The following KCNQ1 variants were observed in gnomAD, a reference collection of about 807,000 sequenced individuals.
KCNQ1 encodes the protein potassium voltage-gated channel subfamily KQT member 1.
In KCNQ1, 49 loss-of-function variants were observed where a neutral mutation model predicts 72.4. The ratio of observed to expected loss-of-function variants is 0.68; its 90% CI spans 0.54 to 0.86. KCNQ1 has a LOEUF of 0.86. Ranked by LOEUF, KCNQ1 falls within the 40% of genes least tolerant of loss-of-function variation. KCNQ1 has a pLI of 0.00. For synonymous variants in KCNQ1, 450 were observed against 412.6 expected (o/e 1.09, Z -1.10); for missense variants, 790 against 945.1 (o/e 0.84, Z 2.15).
chr11:2,732,712 C>T (rs551772546), intron 11 of KCNQ1, among the ~76,000 whole-genome samples: 3 of 152,332 alleles, frequency 2.0e-5, no homozygotes, highest in South Asian at 2.1e-4. Context: ...TCTTCCTCAC[C>T]GGGCCGGCGC....
rs1849680998 is a variant in KCNQ1 at position 2,647,263 on chromosome 11, G to A, written c.1394-14698G>A. ...TTTTTTTGTCCTTCCTTCTGTTAAT[G>A]TGATGTATCACATTTATTGATTTGT... On this transcript the variant is annotated intron_variant, in intron 10 of 15. Coordinates refer to ENST00000155840, the MANE Select transcript of KCNQ1 (RefSeq NM_000218.3). This position sits in a 1 kb window ranked among gnomAD's most constrained non-coding sequence, Gnocchi z 4.0. 3 of 397,934 alleles carry A rather than the reference G, an allele frequency of 7.5e-6. No individual in the cohort carries two copies. Among genetic ancestry groups the A allele is most frequent in the East Asian group, 3.6e-5 (1 of 28,062 alleles). The allele number at this position is 397,934 out of a possible 1,614,324, so 24.7% of individuals were successfully genotyped here.
intron 1 of KCNQ1, chr11:2,521,396 C>T: frequency 2.4e-6 from 1 of 419,858 alleles, no homozygotes; most frequent in Non-Finnish European, 5.1e-6. Context: ...CTCAAGGTGC[C>T]TCTCTGCTCA....
intron 11 of KCNQ1, among the ~76,000 whole-genome samples, chr11:2,707,845 A>G (rs1850936719): frequency 6.6e-6 from 1 of 152,218 alleles, no homozygotes; most frequent in African/African-American, 2.4e-5. Flanking sequence ...GGTGTGAGGG[A>G]CACAGCCCCT....
rs1847147841 is a variant in KCNQ1 at position 2,508,853 on chromosome 11, C to G, written c.387-19075C>G. On this transcript the variant is annotated intron_variant, in intron 1 of 15. Coordinates refer to ENST00000155840, the MANE Select transcript of KCNQ1 (RefSeq NM_000218.3). This position sits in a 1 kb window ranked among gnomAD's most constrained non-coding sequence, Gnocchi z 6.2. ...GGAAAGTCACAGTTGAATGCATGCT[C>G]CCTCCACACCCATGTGCCTGATGCA... Among the ~76,000 whole-genome samples, 1 of 152,216 alleles carries G rather than the reference C, an allele frequency of 6.6e-6. No homozygotes were observed. The highest frequency in any genetic ancestry group is 1.5e-5 in the Non-Finnish European group (1 of 68,040).
rs1413562895 is a variant in KCNQ1 at position 2,478,582 on chromosome 11, G to A, written c.386+33098G>A. ...TTCATTACCATGAGAACAGCATGGAGGAAACCACCCCCATGATTCAATTAT... is the reference window on the plus strand; with the variant it reads ...TTCATTACCATGAGAACAGCATGGAAGAAACCACCCCCATGATTCAATTAT... On this transcript the variant is annotated intron_variant, in intron 1 of 15. Coordinates refer to ENST00000155840, the MANE Select transcript of KCNQ1 (RefSeq NM_000218.3). This position sits in a 1 kb window ranked among gnomAD's most constrained non-coding sequence, Gnocchi z 4.0. 6.6e-5 allele frequency among the ~76,000 whole-genome samples: 10 copies of A among 152,102 alleles called. No homozygotes were observed. Among genetic ancestry groups the A allele is most frequent in the Non-Finnish European group, 1.3e-4 (9 of 68,034 alleles).
chr11:2,680,206 TAAAAAAAAA>T (rs139249507), intron 11 of KCNQ1: 15 of 362,348 alleles, frequency 4.1e-5, no homozygotes, highest in Non-Finnish European at 4.8e-6. Context: ...CTTGCCTAAT[TAAAAAAAAA>T]AAAAAAAAAA....
chr11:2,500,557 A>G (rs990132853), intron 1 of KCNQ1, among the ~76,000 whole-genome samples: 1 of 152,234 alleles, frequency 6.6e-6, no homozygotes, highest in African/African-American at 2.4e-5. Flanking sequence ...TCATTGTATT[A>G]TAAAGACACA....
intron 11 of KCNQ1, chr11:2,675,717 G>T (rs1346302023): frequency 1.6e-4 from 62 of 398,568 alleles, no homozygotes. Context: ...TCTTTGTGCT[G>T]GAGCAGCCCC....
At position 2,464,304 on chromosome 11, in the gene KCNQ1, C is replaced by T. The variant is rs756453366; in HGVS notation, c.386+18820C>T. Among the ~76,000 whole-genome samples the T allele has an allele frequency of 4.6e-5, 7 of 152,080 alleles. No individual in the cohort carries two copies. The highest frequency in any genetic ancestry group is 7.4e-5 in the Non-Finnish European group (5 of 68,026). ...GTGGGTTTTAATCTTTTCATTTTTG[C>T]TCATCTGAATTTTCTAATTAAAAAT... On this transcript the variant is annotated intron_variant, in intron 1 of 15. Transcript: ENST00000155840. This position sits in a 1 kb window ranked among gnomAD's most constrained non-coding sequence, Gnocchi z 5.0.
intron 1 of KCNQ1, among the ~76,000 whole-genome samples, chr11:2,474,769 G>A (rs146133455): frequency 1.8e-4 from 15 of 83,606 alleles, no homozygotes; most frequent in Admixed American, 7.2e-4. Flanking sequence ...CTAGGTTAAG[G>A]CGAGAAGGAG....
At chr11:2,796,814 C>T (rs780781918) in intron 15 of KCNQ1, among the ~76,000 whole-genome samples, 6 of 152,228 alleles carry the variant, frequency 3.9e-5, no homozygotes, top group Admixed American at 1.3e-4. Flanking sequence ...ACTGCTGCGC[C>T]GTCCCTCCTG....
chr11:2,836,769 A>G (rs961964983), intron 15 of KCNQ1, among the ~76,000 whole-genome samples: 4 of 152,258 alleles, frequency 2.6e-5, no homozygotes, highest in Non-Finnish European at 4.4e-5. Flanking sequence ...CTGACCAGGC[A>G]GAACCAGGCA....
At chr11:2,619,862 C>G (rs1418247518) in intron 10 of KCNQ1, 2 of 397,866 alleles carry the variant, frequency 5.0e-6, no homozygotes, top group African/African-American at 4.1e-5. Context: ...GTTTTTTTAA[C>G]TTTTATTTTT....
chr11:2,666,045 C>T lies in KCNQ1; in HGVS notation c.1514+3964C>T, dbSNP rs111519469. 8.6e-3 allele frequency: 3,419 copies of T among 398,654 alleles called. 20 individuals carry two copies. Among genetic ancestry groups the T allele is most frequent in the Admixed American group, 0.011 (257 of 22,742 alleles). The allele number at this position is 398,654 out of a possible 1,614,324, so 24.7% of individuals were successfully genotyped here. On this transcript the variant is annotated intron_variant, in intron 11 of 15. Coordinates refer to ENST00000155840, the MANE Select transcript of KCNQ1 (RefSeq NM_000218.3). ...GTTGCACATGGATACCTGAGATAGA[C>T]GGCCCAAGAGGACAGGCCCATAAGC...
At chr11:2,501,289 C>A (rs551513784) in intron 1 of KCNQ1, among the ~76,000 whole-genome samples, 1 of 148,518 alleles carries the variant, frequency 6.7e-6, no homozygotes, top group African/African-American at 2.5e-5. Flanking sequence ...TTTAGCCAGA[C>A]TAAGAAAAGA....
At chr11:2,469,951 C>A (rs931155481) in intron 1 of KCNQ1, among the ~76,000 whole-genome samples, 3 of 152,204 alleles carry the variant, frequency 2.0e-5, no homozygotes, top group African/African-American at 7.2e-5. Flanking sequence ...TGAGCCACCA[C>A]GCCCGGCCCT....
chr11:2,495,412 C>A lies in KCNQ1; in HGVS notation c.387-32516C>A, dbSNP rs181581311. Among the ~76,000 whole-genome samples, 271 of 152,186 alleles carry A rather than the reference C, an allele frequency of 1.8e-3. 1 individual carries two copies. The highest frequency in any genetic ancestry group is 2.8e-3 in the Non-Finnish European group (191 of 67,996). On this transcript the variant is annotated intron_variant, in intron 1 of 15. Coordinates refer to ENST00000155840, the MANE Select transcript of KCNQ1 (RefSeq NM_000218.3). This position sits in a 1 kb window ranked among gnomAD's most constrained non-coding sequence, Gnocchi z 4.6. ...TTTGTTTGCTCTTGCTTCTCTAGTT[C>A]TTTTAATTGTGATGTTTGGGTGTCG...
Position 2,544,332 on chromosome 11 carries a change from ATGTG to A in KCNQ1, c.477+16316_477+16319del, listed in dbSNP as rs1342848011. Reference sequence around the variant, plus strand: ...TATATGTATATATCTATGTATATATATGTGTATGTATATGTATATATATGTGTAT... The same window carrying A: ...TATATGTATATATCTATGTATATATATATGTATATGTATATATATGTGTAT... On this transcript the variant is annotated intron_variant, in intron 2 of 15. Transcript: ENST00000155840. The surrounding 1 kb of genome is among the most constrained non-coding windows in gnomAD (Gnocchi z 4.4). 6.8e-6 allele frequency among the ~76,000 whole-genome samples: 1 copy of A among 147,588 alleles called. No individual in the cohort carries two copies. The highest frequency in any genetic ancestry group is 2.0e-4 in the East Asian group (1 of 5,126).
intron 15 of KCNQ1, among the ~76,000 whole-genome samples, chr11:2,801,832 C>A: frequency 6.6e-6 from 1 of 152,232 alleles, no homozygotes; most frequent in East Asian, 1.9e-4. Context: ...CCACTGCCTG[C>A]GCCAGGGAAG....
Sources: allele counts gnomAD v4.1 joint callset (sites outside exome capture counted in the v4.1 genomes callset), GRCh38; gene constraint gnomAD v4.1.1; non-coding constraint Gnocchi (gnomAD v3.1); transcripts MANE v1.5; gene names NCBI Gene and HGNC (gene_info 2026-07-23, HGNC 2026-07-21).